SMARCA2: variants seen among roughly 807,000 people sequenced by gnomAD.
SMARCA2 encodes the protein SWI/SNF-related matrix-associated actin-dependent regulator of chromatin subfamily A member 2.
A neutral mutation model predicts 199.8 loss-of-function variants in SMARCA2; 61 were observed. The ratio of observed to expected loss-of-function variants is 0.31; its 90% CI spans 0.25 to 0.38. The LOEUF is 0.38. SMARCA2 is among the 10% of genes least tolerant of loss of function. SMARCA2 has a pLI of 1.00. For missense variants in SMARCA2, 1,344 were observed against 2,012.2 expected (o/e 0.67, Z 6.35); for synonymous variants, 935 against 732.0 (o/e 1.28, Z -4.48).
intron 27 of SMARCA2, among the ~76,000 whole-genome samples, chr9:2,145,743 C>A (rs1369528628): frequency 6.6e-6 from 1 of 152,230 alleles, no homozygotes; most frequent in Non-Finnish European, 1.5e-5. Flanking sequence ...TCGTTCTCAA[C>A]TGTTTTTACA....
chr9:2,049,710 A>G (rs1440761283), intron 5 of SMARCA2, among the ~76,000 whole-genome samples: 3 of 152,332 alleles, frequency 2.0e-5, no homozygotes, highest in East Asian at 1.9e-4. Context: ...TCTTCTGCCT[A>G]TTTGAAGGTA....
chr9:2,155,369 G>A (rs1185528034), intron 27 of SMARCA2, among the ~76,000 whole-genome samples: 2 of 151,878 alleles, frequency 1.3e-5, no homozygotes, highest in Non-Finnish European at 2.9e-5. Context: ...TGCAGCCTCC[G>A]CCTCCCGGGT....
At chr9:2,019,577 ATAAC>A in intron 1 of SMARCA2, among the ~76,000 whole-genome samples, 1 of 151,714 alleles carries the variant, frequency 6.6e-6, no homozygotes, top group South Asian at 2.1e-4. Context: ...CTGACATGGT[ATAAC>A]TAGAAAGTGA....
chr9:2,144,595 G>C (rs1824629381), intron 27 of SMARCA2, among the ~76,000 whole-genome samples: 1 of 152,148 alleles, frequency 6.6e-6, no homozygotes, highest in Non-Finnish European at 1.5e-5. Flanking sequence ...CAGTAGTTAG[G>C]AGCTGCTCAG....
intron 9 of SMARCA2, among the ~76,000 whole-genome samples, chr9:2,065,070 A>G (rs1159033785): frequency 6.6e-6 from 1 of 152,194 alleles, no homozygotes; most frequent in African/African-American, 2.4e-5. Flanking sequence ...CTGTAGTCCC[A>G]GCTACTCAGG....
intron 27 of SMARCA2, among the ~76,000 whole-genome samples, chr9:2,127,727 GAATAT>G (rs1823759368): frequency 6.6e-6 from 1 of 152,196 alleles, no homozygotes; most frequent in Non-Finnish European, 1.5e-5. Flanking sequence ...AAATTTTGGT[GAATAT>G]TTAGCCATCC....
chr9:2,027,217 C>G (rs113001316), intron 1 of SMARCA2, among the ~76,000 whole-genome samples: 41 of 151,974 alleles, frequency 2.7e-4, no homozygotes, highest in Non-Finnish European at 5.1e-4. Flanking sequence ...TGAGGTGGGA[C>G]GATCACTTGA....
chr9:2,173,802 ACCAAAGAAC>A (rs914350969), intron 29 of SMARCA2, among the ~76,000 whole-genome samples: 6 of 152,130 alleles, frequency 3.9e-5, no homozygotes, highest in Admixed American at 1.3e-4. Context: ...AACTTATTTG[ACCAAAGAAC>A]CCCCTTTTCA....
At chr9:2,124,108 G>A (rs1823585028) in intron 27 of SMARCA2, among the ~76,000 whole-genome samples, 171 bp downstream of exon 27, 1 of 152,192 alleles carries the variant, frequency 6.6e-6, no homozygotes. Context: ...AAGTCATTGT[G>A]CTGTTGCATG....
chr9:2,133,042 G>A (rs910229809), intron 27 of SMARCA2, among the ~76,000 whole-genome samples: 2 of 152,192 alleles, frequency 1.3e-5, no homozygotes, highest in Non-Finnish European at 1.5e-5. Context: ...TTTGATGCTT[G>A]GAATTTCTGG....
chr9:2,192,731 G>A lies in SMARCA2; in HGVS notation c.4765G>A (p.Asp1589Asn). 1.2e-6 allele frequency: 2 copies of A among 1,609,260 alleles called. No homozygotes were observed. The highest frequency in any genetic ancestry group is 4.5e-5 in the East Asian group (2 of 44,852). Reference protein sequence around the residue: ...REQSEGSGTDDE With the variant: ...REQSEGSGTDNE ...ACAGTCAGAAGGAAGTGGGACGGAT[G>A]ATGAGTGATCAGTATGGACCTTTTT... The change falls in exon 34 of 34, where the codon GAT (aspartate) becomes AAT (asparagine). Residue 1589 changes from aspartate to asparagine, a missense_variant. This residue lies in a region of SMARCA2 where 155 missense variants were observed against 121.1 expected (regional missense o/e 1.28). Transcript: ENST00000349721.
intron 27 of SMARCA2, among the ~76,000 whole-genome samples, chr9:2,143,791 A>G (rs1824580374): frequency 6.6e-6 from 1 of 152,218 alleles, no homozygotes; most frequent in Non-Finnish European, 1.5e-5. Flanking sequence ...GATGTTTGGT[A>G]GGACAGTGGA....
rs140541679 is a variant in SMARCA2, at chr9:2,167,699, C to T, written c.4200-2720C>T. 3.9e-5 allele frequency among the ~76,000 whole-genome samples: 6 copies of T among 152,354 alleles called. No individual in the cohort carries two copies. The East Asian group carries it at 9.6e-4, about 25-fold the overall frequency. The stretch of plus-strand genomic sequence containing the variant: ...CTCTGGGAATTGTGGTAAGACTCAG[C>T]TTGTCCTGAATTTTTAGTTCTCACA... On this transcript the variant is annotated intron_variant, in intron 28 of 33. Coordinates refer to ENST00000349721, the MANE Select transcript of SMARCA2 (RefSeq NM_003070.5).
At position 2,096,683 on chromosome 9, in the gene SMARCA2, G is replaced by A; in HGVS notation, c.2910G>A (p.Met970Ile). 1 of 1,613,574 alleles carries A rather than the reference G, an allele frequency of 6.2e-7. No individual in the cohort carries two copies. Among genetic ancestry groups the A allele is most frequent in the Non-Finnish European group, 8.5e-7 (1 of 1,179,496 alleles). ...EKVEYVIKCD[M>I]SALQKILYRH... ...TGGAATATGTGATCAAGTGTGACAT[G>A]TCAGCTCTGCAGAAGATTCTGTATC... is the stretch of plus-strand genomic sequence containing the variant. The change falls in exon 20 of 34, where the codon ATG (methionine) becomes ATA (isoleucine). Residue 970 changes from methionine (M) to isoleucine (I), a missense_variant. Transcript: ENST00000349721.
intron 4 of SMARCA2, chr9:2,040,188 T>G (rs1217986202): frequency 1.8e-5 from 11 of 607,928 alleles, no homozygotes; most frequent in Non-Finnish European, 2.8e-5. Flanking sequence ...CAAGGTTTCT[T>G]GGAAGCCCAT....
intron 9 of SMARCA2, among the ~76,000 whole-genome samples, chr9:2,063,273 G>A (rs1174496001): frequency 2.0e-5 from 3 of 152,206 alleles, no homozygotes; most frequent in South Asian, 2.1e-4. Flanking sequence ...AGTTCAGAGC[G>A]AATTATCCAG....
chr9:2,118,424 A>G (rs1454258840), intron 25 of SMARCA2, among the ~76,000 whole-genome samples: 1 of 152,208 alleles, frequency 6.6e-6, no homozygotes, highest in Non-Finnish European at 1.5e-5. Context: ...GGGAGCCGAC[A>G]CAGTCATCTC....
intron 17 of SMARCA2, among the ~76,000 whole-genome samples, 196 bp downstream of exon 17, chr9:2,084,392 GT>G (rs1563757679): frequency 2.0e-5 from 3 of 150,986 alleles, no homozygotes; most frequent in African/African-American, 7.3e-5. Flanking sequence ...GTGTGTGTGT[GT>G]GTGTGTGTGT....
intron 27 of SMARCA2, among the ~76,000 whole-genome samples, chr9:2,130,639 T>C (rs1823902001): frequency 6.6e-6 from 1 of 152,222 alleles, no homozygotes; most frequent in African/African-American, 2.4e-5. Flanking sequence ...CCCAAGGTGA[T>C]AACAGTGCTA....
Sources: allele counts gnomAD v4.1 joint callset (sites outside exome capture counted in the v4.1 genomes callset), GRCh38; gene constraint gnomAD v4.1.1; regional missense constraint gnomAD v4.1.1; transcripts MANE v1.5; gene names NCBI Gene and HGNC (gene_info 2026-07-23, HGNC 2026-07-21).